PIP4K2A: variants seen among roughly 807,000 people sequenced by gnomAD.
The protein encoded by PIP4K2A is phosphatidylinositol-5-phosphate 4-kinase type 2 alpha, also known as phosphatidylinositol 5-phosphate 4-kinase type-2 alpha.
Under a neutral mutation model 42.9 loss-of-function variants are expected in PIP4K2A, and 14 were observed. The ratio of observed to expected loss-of-function variants is 0.33; its 90% CI spans 0.22 to 0.51. The LOEUF (loss-of-function observed/expected upper bound fraction) is 0.51. Among genes scored for constraint, PIP4K2A ranks in the 20% least tolerant of loss-of-function variants. The pLI is 0.97. For synonymous variants in PIP4K2A, 192 were observed against 192.2 expected, an observed-to-expected ratio of 1.00 and a Z score of 0.01; for missense variants, 434 against 519.8, an observed-to-expected ratio of 0.83 and a Z score of 1.61.
intron 3 of PIP4K2A, among the ~76,000 whole-genome samples, chr10:22,593,415 T>G (rs10741008): frequency 0.63 from 95,135 of 152,140 alleles, 30,291 homozygotes; most frequent in East Asian, 0.94. Context: ...CAGTTATTCT[T>G]AAGACAACTA....
chr10:22,671,159 T>A (rs1303898103), intron 1 of PIP4K2A, among the ~76,000 whole-genome samples: 2 of 152,138 alleles, frequency 1.3e-5, no homozygotes, highest in South Asian at 4.1e-4. Flanking sequence ...TATATATACC[T>A]TTACATATAT....
chr10:22,592,754 C>A, intron 3 of PIP4K2A, among the ~76,000 whole-genome samples: 1 of 152,222 alleles, frequency 6.6e-6, no homozygotes, highest in East Asian at 1.9e-4. Context: ...GCCATGGGGT[C>A]TAGCAAACCC....
At chr10:22,576,415 C>T (rs1422167272) in intron 4 of PIP4K2A, among the ~76,000 whole-genome samples, 2 of 152,132 alleles carry the variant, frequency 1.3e-5, no homozygotes, top group African/African-American at 2.4e-5. Flanking sequence ...GTAACACCAG[C>T]GGGTGTTAAC....
intron 1 of PIP4K2A, among the ~76,000 whole-genome samples, chr10:22,611,953 G>C (rs1041045394): frequency 2.0e-5 from 3 of 152,200 alleles, no homozygotes; most frequent in African/African-American, 7.2e-5. Context: ...CCAAAGCTTT[G>C]ATGCCTCCTC....
intron 1 of PIP4K2A, chr10:22,694,653 C>T (rs1421915355): frequency 6.6e-6 from 1 of 152,124 alleles, no homozygotes; most frequent in African/African-American, 2.4e-5. Flanking sequence ...TAATCAGTCC[C>T]TTCAAGGTAA....
At chr10:22,636,844 A>C (rs1211537626) in intron 1 of PIP4K2A, among the ~76,000 whole-genome samples, 1 of 152,220 alleles carries the variant, frequency 6.6e-6, no homozygotes, top group Non-Finnish European at 1.5e-5. Flanking sequence ...GGCAATCAGC[A>C]AACAAGACCA....
intron 4 of PIP4K2A, among the ~76,000 whole-genome samples, chr10:22,581,565 T>TTAA (rs1491198835): frequency 1.3e-5 from 1 of 78,674 alleles, no homozygotes; most frequent in African/African-American, 5.6e-5. Context: ...ATCCTATCTC[T>TTAA]AAAAAAAAAA....
At chr10:22,548,483 C>T (rs1836309687) in intron 7 of PIP4K2A, among the ~76,000 whole-genome samples, 1 of 152,066 alleles carries the variant, frequency 6.6e-6, no homozygotes, top group Non-Finnish European at 1.5e-5. Flanking sequence ...CACAGATAAC[C>T]CTAAGGGCTA....
intron 1 of PIP4K2A, among the ~76,000 whole-genome samples, chr10:22,662,029 A>T (rs559026953): frequency 6.6e-6 from 1 of 152,242 alleles, no homozygotes; most frequent in African/African-American, 2.4e-5. Context: ...ATCATTTATT[A>T]TAAATCCATC....
At chr10:22,590,989 C>A (rs1837497173) in intron 4 of PIP4K2A, among the ~76,000 whole-genome samples, 1 of 152,242 alleles carries the variant, frequency 6.6e-6, no homozygotes, top group Non-Finnish European at 1.5e-5. Context: ...AGGCCTCTCA[C>A]AGCGCGGGCT....
At chr10:22,540,260 T>C (rs1332248978) in intron 8 of PIP4K2A, among the ~76,000 whole-genome samples, 186 bp from the exon 9 acceptor site, 1 of 152,032 alleles carries the variant, frequency 6.6e-6, no homozygotes, top group African/African-American at 2.4e-5. Context: ...ACAGCTTGCC[T>C]CTCTGACCCA....
intron 6 of PIP4K2A, among the ~76,000 whole-genome samples, chr10:22,554,849 C>T (rs915612497): frequency 1.3e-5 from 2 of 152,176 alleles, no homozygotes; most frequent in Non-Finnish European, 2.9e-5. Flanking sequence ...GATTCCTGCC[C>T]GGGTCGGGGG....
chr10:22,582,624 T>A (rs943198), intron 4 of PIP4K2A, among the ~76,000 whole-genome samples: 2 of 151,936 alleles, frequency 1.3e-5, no homozygotes, highest in African/African-American at 2.4e-5. Flanking sequence ...TTAAATTATC[T>A]GTAATCCTTA....
At chr10:22,555,809 A>G (rs1836525140) in intron 6 of PIP4K2A, among the ~76,000 whole-genome samples, 1 of 152,088 alleles carries the variant, frequency 6.6e-6, no homozygotes, top group Non-Finnish European at 1.5e-5. Context: ...TGGGGGTCCA[A>G]TCTTTTAGCT....
intron 1 of PIP4K2A, among the ~76,000 whole-genome samples, chr10:22,703,576 G>T (rs893487214): frequency 1.3e-5 from 2 of 152,208 alleles, no homozygotes; most frequent in Non-Finnish European, 2.9e-5. Flanking sequence ...GGGCAAGGAG[G>T]AAAGTGGGGC....
chr10:22,664,204 CATAT>C lies in PIP4K2A; in HGVS notation c.144+49975_144+49978del, dbSNP rs142690116. 1.1e-3 allele frequency among the ~76,000 whole-genome samples: 54 copies of C among 47,728 alleles called. 2 individuals carry two copies. Among genetic ancestry groups the C allele is most frequent in the African/African-American group, 3.7e-3 (27 of 7,326 alleles). 31.3% of individuals were successfully genotyped at this position (47,728 alleles called of 152,430 possible). On this transcript the variant is annotated intron_variant, in intron 1 of 9. Transcript: ENST00000376573. ...ATACATATATATACATATATATATA[CATAT>C]ATATATATACATATATATATACACA...
intron 3 of PIP4K2A, among the ~76,000 whole-genome samples, chr10:22,598,228 C>T (rs975085116): frequency 6.6e-6 from 1 of 151,942 alleles, no homozygotes; most frequent in African/African-American, 2.4e-5. Flanking sequence ...TGTGGTGGTG[C>T]GTGCCTGTAG....
intron 3 of PIP4K2A, among the ~76,000 whole-genome samples, chr10:22,607,664 T>C (rs1226143384): frequency 6.6e-6 from 1 of 152,126 alleles, no homozygotes; most frequent in African/African-American, 2.4e-5. Context: ...GAGAGTATTA[T>C]ATAAAACCCT....
chr10:22,652,341 G>C (rs976700037), intron 1 of PIP4K2A, among the ~76,000 whole-genome samples: 1 of 152,024 alleles, frequency 6.6e-6, no homozygotes, highest in African/African-American at 2.4e-5. Context: ...GGCTGGTATT[G>C]AACTCCTGAC....
Sources: allele counts gnomAD v4.1 joint callset (sites outside exome capture counted in the v4.1 genomes callset), GRCh38; gene constraint gnomAD v4.1.1; transcripts MANE v1.5; gene names NCBI Gene and HGNC (gene_info 2026-07-23, HGNC 2026-07-21).